Variants in PDZD2 observed in about 807,000 individuals in gnomAD.
PDZD2 encodes the protein PDZ domain containing 2.
A neutral mutation model predicts 220.7 loss-of-function variants in PDZD2; 90 were observed. The ratio of observed to expected loss-of-function variants is 0.41; its 90% confidence interval spans 0.34 to 0.49. The LOEUF (loss-of-function observed/expected upper bound fraction) is 0.49, where lower values mean the gene tolerates loss of function less well. Ranked by LOEUF, PDZD2 falls within the 20% of genes least tolerant of loss-of-function variation. The pLI is 0.28. For missense variants in PDZD2, 3,174 were observed against 3,608.5 expected, an observed-to-expected ratio of 0.88 and a Z score of 3.08; for synonymous variants, 1,375 against 1,450.5, an observed-to-expected ratio of 0.95 and a Z score of 1.18.
chr5:31,684,893 C>G (rs922730813), intron 1 of PDZD2, among the ~76,000 whole-genome samples: 1 of 152,124 alleles, frequency 6.6e-6, no homozygotes, highest in African/African-American at 2.4e-5. Flanking sequence ...ATCTCATTGT[C>G]TTGCTTTATT....
chr5:32,006,871 G>A (rs1752854469), intron 5 of PDZD2, among the ~76,000 whole-genome samples: 1 of 134,080 alleles, frequency 7.5e-6, no homozygotes, highest in Non-Finnish European at 1.6e-5. Context: ...TATATTTTTA[G>A]TAGAGACGGG....
At chr5:31,878,602 C>G (rs908020132) in intron 2 of PDZD2, among the ~76,000 whole-genome samples, 1 of 119,476 alleles carries the variant, frequency 8.4e-6, no homozygotes, top group African/African-American at 3.2e-5. Context: ...CGCTGTCGCC[C>G]AGGCTGGAGT....
rs148341852 is a variant in PDZD2, at chr5:31,685,481, G to A, written c.-361+46044G>A. ...CACAGCTTCTACACCATCAGCCCATGCTGCCTCGTCCGCATGCATACCCAC... is the reference window on the plus strand; with the variant it reads ...CACAGCTTCTACACCATCAGCCCATACTGCCTCGTCCGCATGCATACCCAC... On this transcript the variant is annotated intron_variant, in intron 1 of 24. Coordinates refer to ENST00000438447, the MANE Select transcript of PDZD2 (RefSeq NM_178140.4). Among the ~76,000 whole-genome samples, 734 of 152,218 alleles carry A rather than the reference G, an allele frequency of 4.8e-3. 4 individuals are homozygous for A. The highest frequency in any genetic ancestry group is 7.1e-3 in the South Asian group (34 of 4,822).
At chr5:31,877,312 C>T (rs1221106414) in intron 2 of PDZD2, among the ~76,000 whole-genome samples, 1 of 151,998 alleles carries the variant, frequency 6.6e-6, no homozygotes, top group Non-Finnish European at 1.5e-5. Context: ...GTCTCTCGGG[C>T]TCAAGCGATT....
intron 1 of PDZD2, among the ~76,000 whole-genome samples, chr5:31,672,453 C>G (rs1746251601): frequency 6.6e-6 from 1 of 152,182 alleles, no homozygotes; most frequent in African/African-American, 2.4e-5. Context: ...CTGATTCCCC[C>G]AGGCTAATGG....
At chr5:32,073,764 C>A in intron 17 of PDZD2, 68 bp from the exon 18 acceptor site, 1 of 947,526 alleles carries the variant, frequency 1.1e-6, no homozygotes, top group Admixed American at 2.2e-5. Context: ...ATGATGGGGT[C>A]AGATGATAAG....
chr5:31,873,945 G>A (rs961367222), intron 2 of PDZD2, among the ~76,000 whole-genome samples: 1 of 151,060 alleles, frequency 6.6e-6, no homozygotes, highest in Non-Finnish European at 1.5e-5. Flanking sequence ...GGTCAGACTG[G>A]TTGAACTCCT....
rs564552954 is a variant in PDZD2, at chr5:31,912,044, G to A, written c.477-71111G>A. On this transcript the variant is annotated intron_variant, in intron 2 of 24. Coordinates refer to ENST00000438447, the MANE Select transcript of PDZD2 (RefSeq NM_178140.4). ...GCCGTACTTAATCCACCCTGGCCCC[G>A]GCCCCAGCCCCAGCCCCAGCCTTGG... 9.9e-5 allele frequency among the ~76,000 whole-genome samples: 15 copies of A among 152,156 alleles called. No individual in the cohort carries two copies. In the South Asian group the frequency reaches 1.0e-3, roughly 11 times the overall value.
chr5:31,655,330 G>A (rs966059679), intron 1 of PDZD2, among the ~76,000 whole-genome samples: 28 of 152,042 alleles, frequency 1.8e-4, no homozygotes, highest in East Asian at 3.9e-4. Context: ...ACACCACCAC[G>A]CCCAGCTAAT....
rs1486416823 is a variant in PDZD2 at position 31,780,400 on chromosome 5, G to A, written c.-360-18489G>A. Among the ~76,000 whole-genome samples the A allele has an allele frequency of 5.3e-5, 8 of 152,280 alleles. No homozygotes were observed. In the East Asian group the frequency reaches 1.5e-3, roughly 29 times the overall value. ...ACCTTGTGCTTTTTCTTGTGGTTCT[G>A]AGAATGTTTAAATATGGAGGTTTTG... On this transcript the variant is annotated intron_variant, in intron 1 of 24. Coordinates refer to ENST00000438447, the MANE Select transcript of PDZD2 (RefSeq NM_178140.4).
At chr5:31,687,949 G>GACAC (rs1374099469) in intron 1 of PDZD2, among the ~76,000 whole-genome samples, 9 of 152,246 alleles carry the variant, frequency 5.9e-5, no homozygotes, top group Admixed American at 5.9e-4. Flanking sequence ...AATTCCAGGG[G>GACAC]ACACAGTTCA....
chr5:31,801,048 T>C (rs1451178155), intron 2 of PDZD2, among the ~76,000 whole-genome samples: 3 of 152,206 alleles, frequency 2.0e-5, no homozygotes, highest in African/African-American at 7.2e-5. Flanking sequence ...GTCAGTGCCC[T>C]GGTGCAAAGT....
At chr5:31,964,603 T>C (rs1748550505) in intron 2 of PDZD2, among the ~76,000 whole-genome samples, 1 of 152,218 alleles carries the variant, frequency 6.6e-6, no homozygotes, top group Non-Finnish European at 1.5e-5. Flanking sequence ...TTACATCAGA[T>C]TAGCTAAGTC....
At chr5:31,998,763 T>C (rs1751856173) in intron 4 of PDZD2, among the ~76,000 whole-genome samples, 1 of 152,264 alleles carries the variant, frequency 6.6e-6, no homozygotes, top group East Asian at 1.9e-4. Context: ...AATCTCATCA[T>C]GTTTTAAGAA....
At chr5:31,929,162 T>A (rs1745036029) in intron 2 of PDZD2, among the ~76,000 whole-genome samples, 1 of 152,170 alleles carries the variant, frequency 6.6e-6, no homozygotes, top group Admixed American at 6.5e-5. Flanking sequence ...CTGAATGCTT[T>A]AGAAAGGGCA....
intron 24 of PDZD2, among the ~76,000 whole-genome samples, chr5:32,104,456 A>C (rs1744543236): frequency 6.6e-6 from 1 of 151,690 alleles, no homozygotes; most frequent in Non-Finnish European, 1.5e-5. Context: ...CCCAGGTTCA[A>C]GTGAATCTGG....
chr5:31,863,202 ACTGTT>A (rs1372755758), intron 2 of PDZD2, among the ~76,000 whole-genome samples: 2 of 151,822 alleles, frequency 1.3e-5, no homozygotes, highest in East Asian at 3.9e-4. Flanking sequence ...CTTTTTTTTG[ACTGTT>A]CTGTTTCTTC....
intron 2 of PDZD2, among the ~76,000 whole-genome samples, chr5:31,968,662 C>A (rs116740822): frequency 0.1 from 15,468 of 151,344 alleles, 850 homozygotes; most frequent in Middle Eastern, 0.13. Flanking sequence ...TCTCAAAAAA[C>A]AAACAAACAA....
At chr5:31,846,878 A>G (rs919645895) in intron 2 of PDZD2, among the ~76,000 whole-genome samples, 3 of 152,220 alleles carry the variant, frequency 2.0e-5, no homozygotes, top group Non-Finnish European at 4.4e-5. Flanking sequence ...CACTTGTATA[A>G]TTATGCCCCT....
Sources: gnomAD v4.1 joint callset for allele counts (sites outside exome capture counted in the v4.1 genomes callset) on GRCh38, gnomAD v4.1.1 for gene constraint, MANE v1.5 for transcripts, NCBI Gene and HGNC (gene_info 2026-07-23, HGNC 2026-07-21) for gene names.